Variants in GABBR2 observed in about 807,000 individuals in gnomAD.
The protein encoded by GABBR2 is G-protein coupled receptor 51.
In GABBR2, 23 loss-of-function variants were observed where a neutral mutation model predicts 105.6. The ratio of observed to expected loss-of-function variants is 0.22; its 90% CI spans 0.16 to 0.31. The LOEUF is 0.31. GABBR2 is among the 10% of genes least tolerant of loss of function. The pLI, the probability that GABBR2 is intolerant of heterozygous loss-of-function variation, is 1.00. For missense variants in GABBR2, 734 were observed against 1,245.5 expected (o/e 0.59, Z 6.18); for synonymous variants, 478 against 499.7 (o/e 0.96, Z 0.58).
chr9:98,339,500 T>C (rs892149246), intron 13 of GABBR2, among the ~76,000 whole-genome samples: 4 of 152,148 alleles, frequency 2.6e-5, no homozygotes, highest in Non-Finnish European at 5.9e-5. Flanking sequence ...CTTGCCTCAT[T>C]GCACCCCAAC....
At chr9:98,685,456 A>G (rs978175623) in intron 1 of GABBR2, among the ~76,000 whole-genome samples, 3 of 152,202 alleles carry the variant, frequency 2.0e-5, no homozygotes, top group Non-Finnish European at 4.4e-5. Flanking sequence ...ATTAGTCCTG[A>G]ACCCTCTAGA....
intron 1 of GABBR2, among the ~76,000 whole-genome samples, chr9:98,651,308 T>A (rs896587420): frequency 1.3e-5 from 2 of 152,062 alleles, no homozygotes; most frequent in Non-Finnish European, 1.5e-5. Flanking sequence ...CACGCCCAGC[T>A]AATTTTTTTA....
rs35672692 is a variant in GABBR2, at chr9:98,289,636, G to GAA, written c.*946_*947dup. On this transcript the variant is annotated 3_prime_UTR_variant, in exon 19 of 19. Transcript: ENST00000259455. ...CTTTGGTCAGAAACAAAGTTAGTGG[G>GAA]AAAAAAAAAAAAAAAATCCCAGCCA... The GAA allele has an allele frequency of 4.2e-5, 6 of 142,498 alleles. No individual in the cohort carries two copies. Among genetic ancestry groups the GAA allele is most frequent in the Admixed American group, 3.5e-4 (5 of 14,138 alleles). 8.8% of individuals were successfully genotyped at this position (142,498 alleles called of 1,614,324 possible). A position where few individuals can be genotyped will look rare whatever the true frequency, so the allele number is the denominator to read the frequency against.
intron 16 of GABBR2, among the ~76,000 whole-genome samples, chr9:98,300,597 G>A (rs756143449): frequency 6.6e-6 from 1 of 152,152 alleles, no homozygotes; most frequent in Non-Finnish European, 1.5e-5. Context: ...TAATAGAATG[G>A]CTTTCATCCA....
In GABBR2 at chr9:98,322,613, T is replaced by C. The variant is rs574230025; in HGVS notation, c.1894-11408A>G. Among the ~76,000 whole-genome samples the C allele has an allele frequency of 1.4e-3, 147 of 107,396 alleles. 4 individuals carry two copies. In the East Asian group the frequency reaches 0.046, roughly 34 times the overall value. The allele number at this position is 107,396 out of a possible 152,430, so 70.5% of individuals were successfully genotyped here. On this transcript the variant is annotated intron_variant, in intron 13 of 18. Coordinates refer to ENST00000259455, the MANE Select transcript of GABBR2 (RefSeq NM_005458.8). ...CCCCCTCCATGATCTGACCCCCCCATACCCGTCCAGCCTTGTTCCCCATCC... is the reference window on the plus strand; with the variant it reads ...CCCCCTCCATGATCTGACCCCCCCACACCCGTCCAGCCTTGTTCCCCATCC...
intron 14 of GABBR2, among the ~76,000 whole-genome samples, chr9:98,309,490 T>C (rs539440627): frequency 1.3e-5 from 2 of 152,326 alleles, no homozygotes; most frequent in African/African-American, 2.4e-5. Context: ...AGCTTGTCCT[T>C]CTTAGGGGCT....
At chr9:98,624,150 G>A (rs566117622) in intron 1 of GABBR2, among the ~76,000 whole-genome samples, 30 of 152,222 alleles carry the variant, frequency 2.0e-4, no homozygotes, top group Middle Eastern at 3.2e-3. Flanking sequence ...AATGGCAGTG[G>A]TCCTGGGCAC....
chr9:98,562,995 G>A (rs976772928), intron 2 of GABBR2, among the ~76,000 whole-genome samples: 1 of 141,372 alleles, frequency 7.1e-6, no homozygotes, highest in Admixed American at 7.8e-5. Context: ...GCTTGAGCCC[G>A]GGAAATGGAG....
chr9:98,477,690 TA>T (rs1459637634), intron 5 of GABBR2, among the ~76,000 whole-genome samples: 2 of 151,852 alleles, frequency 1.3e-5, no homozygotes, highest in South Asian at 2.1e-4. Flanking sequence ...TGACACAATT[TA>T]AAAAAAAATC....
chr9:98,456,154 C>T (rs533939463), intron 6 of GABBR2, among the ~76,000 whole-genome samples: 6 of 152,224 alleles, frequency 3.9e-5, no homozygotes, highest in South Asian at 2.1e-4. Flanking sequence ...TAGTCATCCC[C>T]GCCACTTTCA....
chr9:98,653,886 A>T (rs1028180067), intron 1 of GABBR2, among the ~76,000 whole-genome samples: 7 of 152,210 alleles, frequency 4.6e-5, no homozygotes, highest in Non-Finnish European at 1.0e-4. Context: ...GTACTGCCTG[A>T]GCATTTTCAT....
At chr9:98,510,544 C>T (rs1377919643) in intron 3 of GABBR2, among the ~76,000 whole-genome samples, 3 of 152,008 alleles carry the variant, frequency 2.0e-5, no homozygotes, top group Non-Finnish European at 4.4e-5. Context: ...TGCAGAGACA[C>T]ACATAGGCTC....
At chr9:98,463,109 G>C (rs1826453903) in intron 6 of GABBR2, among the ~76,000 whole-genome samples, 1 of 152,108 alleles carries the variant, frequency 6.6e-6, no homozygotes. Context: ...GGCTGGTCTT[G>C]AACTCCTGAC....
chr9:98,320,621 A>C (rs890368885), intron 13 of GABBR2, among the ~76,000 whole-genome samples: 4 of 152,216 alleles, frequency 2.6e-5, no homozygotes, highest in African/African-American at 9.7e-5. Context: ...AATGTGGCAC[A>C]TATACACCAT....
chr9:98,643,540 A>G (rs778975896), intron 1 of GABBR2, among the ~76,000 whole-genome samples: 2 of 152,142 alleles, frequency 1.3e-5, no homozygotes, highest in Non-Finnish European at 2.9e-5. Flanking sequence ...TTTTCTTTCT[A>G]TGTCTGTTTC....
At chr9:98,323,990 A>G (rs2131379320) in intron 13 of GABBR2, among the ~76,000 whole-genome samples, 2 of 152,206 alleles carry the variant, frequency 1.3e-5, no homozygotes, top group Middle Eastern at 6.8e-3. Flanking sequence ...GATCTGCCCA[A>G]CCACCCTAGG....
intron 13 of GABBR2, 93 bp from the exon 14 acceptor site, chr9:98,311,298 C>T: frequency 2.7e-6 from 2 of 743,506 alleles, no homozygotes; most frequent in Non-Finnish European, 4.7e-6. Context: ...CTCCTGTGAG[C>T]CATAGCCAAT....
intron 2 of GABBR2, among the ~76,000 whole-genome samples, chr9:98,563,447 C>G (rs551925028): frequency 7.7e-4 from 117 of 152,314 alleles, no homozygotes; most frequent in African/African-American, 2.6e-3. Flanking sequence ...GCCCTGGAAA[C>G]GCTTCCCAAA....
At chr9:98,627,273 C>G (rs1588258763) in intron 1 of GABBR2, among the ~76,000 whole-genome samples, 2 of 152,228 alleles carry the variant, frequency 1.3e-5, no homozygotes, top group Middle Eastern at 3.4e-3. Flanking sequence ...AGCTGTGGCC[C>G]TCTCCATCAT....
Sources: allele counts gnomAD v4.1 joint callset (sites outside exome capture counted in the v4.1 genomes callset), GRCh38; gene constraint gnomAD v4.1.1; transcripts MANE v1.5; gene names NCBI Gene and HGNC (gene_info 2026-07-23, HGNC 2026-07-21).